COL14A1: variants seen among roughly 807,000 people sequenced by gnomAD.
COL14A1 encodes collagen alpha-1(XIV) chain.
Under a neutral mutation model 230.3 loss-of-function variants are expected in COL14A1, and 136 were observed. The ratio of observed to expected loss-of-function variants is 0.59; its 90% CI spans 0.51 to 0.68. COL14A1 has a LOEUF of 0.68. Ranked by LOEUF, COL14A1 falls within the 30% of genes least tolerant of loss-of-function variation. The pLI is 0.00. For synonymous variants in COL14A1, 792 were observed against 784.1 expected (o/e 1.01, Z -0.17); for missense variants, 1,976 against 2,215.8 (o/e 0.89, Z 2.17).
intron 2 of COL14A1, among the ~76,000 whole-genome samples, chr8:120,157,498 A>C (rs546843251): frequency 2.2e-4 from 34 of 152,358 alleles, no homozygotes; most frequent in South Asian, 1.7e-3. Context: ...CTTGTAACAT[A>C]ATGAAAGCAT....
intron 1 of COL14A1, among the ~76,000 whole-genome samples, chr8:120,133,244 AT>A (rs138688612): frequency 2.6e-3 from 389 of 150,908 alleles, no homozygotes; most frequent in African/African-American, 9.1e-3. Flanking sequence ...AAAAAAAAAA[AT>A]AACTGTTCCA....
chr8:120,214,664 G>C (rs776011937), intron 13 of COL14A1, among the ~76,000 whole-genome samples: 6 of 152,116 alleles, frequency 3.9e-5, no homozygotes, highest in Non-Finnish European at 8.8e-5. Flanking sequence ...TGTTTATTGA[G>C]TACTTGCTAT....
chr8:120,262,333 C>T (rs781655522), intron 23 of COL14A1, among the ~76,000 whole-genome samples: 3 of 151,868 alleles, frequency 2.0e-5, no homozygotes, highest in African/African-American at 7.3e-5. Context: ...ATTAGCTGGG[C>T]ATGGTGGTGC....
chr8:120,124,533 A>ACAGAAATGT (rs1162148840), upstream of COL14A1, among the ~76,000 whole-genome samples: 5 of 152,214 alleles, frequency 3.3e-5, no homozygotes, highest in Admixed American at 6.5e-5. Flanking sequence ...TTTGTAACCT[A>ACAGAAATGT]CAGAAATGTC....
chr8:120,338,733 G>A lies in COL14A1; in HGVS notation c.4786-2592G>A, dbSNP rs367936984. Reference sequence around the variant, plus strand: ...ACATGGTAAAGCAGCCTACGTATCAGCTATTAGTATTTAGAGTGTCATAAT... The same window carrying A: ...ACATGGTAAAGCAGCCTACGTATCAACTATTAGTATTTAGAGTGTCATAAT... On this transcript the variant is annotated intron_variant, in intron 42 of 47. Coordinates refer to ENST00000297848, the MANE Select transcript of COL14A1 (RefSeq NM_021110.4). Among the ~76,000 whole-genome samples, 270 of 152,250 alleles carry A rather than the reference G, an allele frequency of 1.8e-3. 1 individual carries two copies. The highest frequency in any genetic ancestry group is 6.3e-3 in the African/African-American group (261 of 41,546).
At chr8:120,316,208 A>G (rs1467469516) in intron 40 of COL14A1, among the ~76,000 whole-genome samples, 4 of 152,166 alleles carry the variant, frequency 2.6e-5, no homozygotes, top group African/African-American at 9.7e-5. Flanking sequence ...ACTTTCATCA[A>G]ACCTTCCCAA....
rs548410385 is a variant in COL14A1, at chr8:120,344,848, A to G, written c.4889-527A>G. Among the ~76,000 whole-genome samples, 272 of 152,236 alleles carry G rather than the reference A, an allele frequency of 1.8e-3. 1 individual carries two copies. Among genetic ancestry groups the G allele is most frequent in the African/African-American group, 6.2e-3 (258 of 41,548 alleles). ...TTAAGGGATTGTGGGAGAGAGTGCCAGATTTTTTAAAAATATAAAGCTAGT... is the reference window on the plus strand; with the variant it reads ...TTAAGGGATTGTGGGAGAGAGTGCCGGATTTTTTAAAAATATAAAGCTAGT... On this transcript the variant is annotated intron_variant, in intron 44 of 47. Coordinates refer to ENST00000297848, the MANE Select transcript of COL14A1 (RefSeq NM_021110.4).
rs564519797 is a variant in COL14A1 at position 120,371,136 on chromosome 8, C to T, written c.5312-16C>T. 4.4e-6 allele frequency: 7 copies of T among 1,594,016 alleles called. No individual in the cohort carries two copies. In the Admixed American group the frequency reaches 5.5e-5, roughly 12 times the overall value. On this transcript the variant is annotated splice_polypyrimidine_tract_variant and intron_variant, in intron 47 of 47. Transcript: ENST00000297848. ...CCTGGGTGCAGCAAGTCCCCACCCC[C>T]ACTTTTCCTCTTTAGCTCCCCATCC... is the stretch of plus-strand genomic sequence containing the variant.
rs1055928737 is a variant in COL14A1 at position 120,278,546 on chromosome 8, T to C, written c.3449T>C (p.Val1150Ala). 6.2e-7 allele frequency: 1 copy of C among 1,612,934 alleles called. No individual in the cohort carries two copies. The highest frequency in any genetic ancestry group is 1.3e-5 in the African/African-American group (1 of 74,984). Residue 1150 changes from valine to alanine, a missense_variant, in exon 28 of 48, where the codon GTG (valine) becomes GCG (alanine). Physicochemically the swap from Val to Ala is moderately conservative, Grantham distance 64. Coordinates refer to ENST00000297848, the MANE Select transcript of COL14A1 (RefSeq NM_021110.4). ...VITDGRSQDDVNKISREMQLD... is the reference protein window; with the variant it reads ...VITDGRSQDDANKISREMQLD... ...ACTGATGGAAGATCACAAGATGATG[T>C]GAACAAAATCTCCAGGGAGATGCAA...
intron 47 of COL14A1, chr8:120,370,569 A>T: frequency 3.4e-6 from 5 of 1,458,794 alleles, no homozygotes; most frequent in Non-Finnish European, 4.5e-6. Flanking sequence ...TAACATCGGA[A>T]CTTAACCAAA....
chr8:120,240,765 C>T (rs774192010), intron 19 of COL14A1, among the ~76,000 whole-genome samples: 11 of 152,194 alleles, frequency 7.2e-5, no homozygotes, highest in Middle Eastern at 3.4e-3. Flanking sequence ...ATTTAATTTA[C>T]GTTTCCAGTT....
intron 13 of COL14A1, among the ~76,000 whole-genome samples, chr8:120,213,514 C>T (rs1000959298): frequency 5.3e-5 from 8 of 152,042 alleles, no homozygotes; most frequent in Non-Finnish European, 8.8e-5. Flanking sequence ...TCTTGCTCTT[C>T]GGAGAAAGAC....
rs35785436 is a variant in COL14A1, at chr8:120,318,117, C to T, written c.4659+2120C>T. ...CACACAGAATAAAACATAATGGTGC[C>T]CCTGAAATTGTGTAACATGGCTGCC... On this transcript the variant is annotated intron_variant, in intron 40 of 47. Coordinates refer to ENST00000297848, the MANE Select transcript of COL14A1 (RefSeq NM_021110.4). 9.1e-3 allele frequency among the ~76,000 whole-genome samples: 1,385 copies of T among 152,206 alleles called. 15 individuals carry two copies. The highest frequency in any genetic ancestry group is 0.011 in the Non-Finnish European group (746 of 68,006).
intron 40 of COL14A1, among the ~76,000 whole-genome samples, chr8:120,322,131 A>G (rs1821473463): frequency 6.7e-6 from 1 of 149,426 alleles, no homozygotes; most frequent in Non-Finnish European, 1.5e-5. Flanking sequence ...AAAATAGTAT[A>G]TGTGGACTGC....
chr8:120,285,425 C>T (rs111582508), intron 32 of COL14A1, among the ~76,000 whole-genome samples: 19,320 of 132,056 alleles, frequency 0.15, 1,426 homozygotes, highest in Non-Finnish European at 0.17. Flanking sequence ...GATCATGCCA[C>T]TGCACTCCAG....
chr8:120,306,068 T>C (rs1820850241), intron 36 of COL14A1, among the ~76,000 whole-genome samples: 1 of 152,164 alleles, frequency 6.6e-6, no homozygotes, highest in South Asian at 2.1e-4. Flanking sequence ...ACATAAACTT[T>C]CCAGCAAGCC....
chr8:120,283,334 G>A (rs967709915), intron 31 of COL14A1, among the ~76,000 whole-genome samples: 1 of 152,146 alleles, frequency 6.6e-6, no homozygotes, highest in Non-Finnish European at 1.5e-5. Flanking sequence ...GACTGATTAG[G>A]TAAGTGATAA....
chr8:120,169,159 T>G (rs575536368), intron 5 of COL14A1, among the ~76,000 whole-genome samples: 1 of 152,242 alleles, frequency 6.6e-6, no homozygotes, highest in African/African-American at 2.4e-5. Flanking sequence ...CCCTGCCGAT[T>G]ATTCCCCTTT....
chr8:120,355,260 CAATT>C (rs1460276424), intron 45 of COL14A1, among the ~76,000 whole-genome samples: 1 of 152,104 alleles, frequency 6.6e-6, no homozygotes, highest in Non-Finnish European at 1.5e-5. Flanking sequence ...TTTGTTTACT[CAATT>C]TATTTAAATG....
Sources: gnomAD v4.1 joint callset for allele counts (sites outside exome capture counted in the v4.1 genomes callset) on GRCh38, gnomAD v4.1.1 for gene constraint, MANE v1.5 for transcripts, NCBI Gene and HGNC (gene_info 2026-07-23, HGNC 2026-07-21) for gene names.